Variants in FSD2 observed in about 807,000 individuals in gnomAD.
FSD2 encodes the protein fibronectin type III and SPRY domain containing 2.
Under a neutral mutation model 80.4 loss-of-function variants are expected in FSD2, and 71 were observed. The ratio of observed to expected loss-of-function variants is 0.88; its 90% CI spans 0.73 to 1.08. FSD2 has a LOEUF of 1.08. Ranked by LOEUF, FSD2 falls within the 50% of genes least tolerant of loss-of-function variation. The probability of loss-of-function intolerance (pLI) is 0.00; values close to 1 mark genes in which losing one functional copy is unlikely to be tolerated. For missense variants in FSD2, 923 were observed against 913.8 expected, an observed-to-expected ratio of 1.01 and a Z score of -0.13; for synonymous variants, 361 against 329.5, an observed-to-expected ratio of 1.10 and a Z score of -1.03.
intron 6 of FSD2, among the ~76,000 whole-genome samples, chr15:82,778,125 ACCAT>A (rs1317153441): frequency 1.6e-3 from 68 of 41,426 alleles, no homozygotes; most frequent in African/African-American, 9.2e-3. Flanking sequence ...ACACAAAAAA[ACCAT>A]ATATATATAT....
At chr15:82,799,726 C>T (rs887445625) in intron 1 of FSD2, among the ~76,000 whole-genome samples, 1 of 152,322 alleles carries the variant, frequency 6.6e-6, no homozygotes, top group East Asian at 1.9e-4. Context: ...CAGAACTCCT[C>T]CTCTCAATAA....
chr15:82,805,089 G>A (rs2050497360), intron 1 of FSD2, among the ~76,000 whole-genome samples: 1 of 151,350 alleles, frequency 6.6e-6, no homozygotes, highest in South Asian at 2.1e-4. Flanking sequence ...TTTGTCTAAG[G>A]CTTATATGGG....
chr15:82,786,270 G>A (rs1182417885), intron 3 of FSD2, among the ~76,000 whole-genome samples: 4 of 152,148 alleles, frequency 2.6e-5, no homozygotes, highest in African/African-American at 4.8e-5. Context: ...TGAGACAGAC[G>A]ACCCAGCTTT....
intron 9 of FSD2, among the ~76,000 whole-genome samples, chr15:82,767,609 G>GT (rs1255241352): frequency 6.6e-6 from 1 of 152,204 alleles, no homozygotes; most frequent in Non-Finnish European, 1.5e-5. Flanking sequence ...CCTCATCATT[G>GT]TGAGTTGGTC....
rs190426784 is a variant in FSD2, at chr15:82,768,865, G to A, written c.1553+15C>T. The A allele has an allele frequency of 2.9e-5, 43 of 1,481,668 alleles. No individual in the cohort carries two copies. In the East Asian group the frequency reaches 6.6e-4, roughly 23 times the overall value. 91.8% of individuals were successfully genotyped at this position (1,481,668 alleles called of 1,614,324 possible). A position where few individuals can be genotyped will look rare whatever the true frequency, so the allele number is the denominator to read the frequency against. ...GTCAGGGCTCTCGTGCCCAGCAAAT[G>A]CCCTCATGACTCACTCAGTTACACC... On this transcript the variant is annotated intron_variant, in intron 9 of 12. Transcript: ENST00000334574.
At chr15:82,766,515 G>A (rs952681516) in intron 9 of FSD2, among the ~76,000 whole-genome samples, 1 of 152,178 alleles carries the variant, frequency 6.6e-6, no homozygotes, top group South Asian at 2.1e-4. Flanking sequence ...GCTGAGGCGG[G>A]TGGGTCACTT....
chr15:82,797,577 G>A (rs1034083402), intron 1 of FSD2, among the ~76,000 whole-genome samples: 2 of 152,142 alleles, frequency 1.3e-5, no homozygotes, highest in African/African-American at 2.4e-5. Context: ...TTGGGAGGCC[G>A]AGGCGGGCAG....
At chr15:82,793,908 A>G (rs938671935) in intron 1 of FSD2, among the ~76,000 whole-genome samples, 56 of 151,996 alleles carry the variant, frequency 3.7e-4, no homozygotes, top group Non-Finnish European at 2.9e-4. Flanking sequence ...ACCTCTGACT[A>G]GAGGTTTGTC....
chr15:82,778,887 T>C lies in FSD2; in HGVS notation c.990A>G (p.Arg330=), dbSNP rs1488604768. 1 of 1,613,736 alleles carries C rather than the reference T, an allele frequency of 6.2e-7. No homozygotes were observed. The highest frequency in any genetic ancestry group is 1.7e-5 in the Admixed American group (1 of 59,996). The change falls in exon 6 of 13, where the codon AGA becomes AGG. Residue 330 remains arginine (R), a splice_region_variant and synonymous_variant. Transcript: ENST00000334574. ...FIKDAVAMAD[R]LGKFLKTKTD... ...TTTTTGTTTTCAGGAATTTCCCGAG[T>C]CTGTTGGTATAAAAAGACATGCTGA...
chr15:82,805,120 C>T (rs997052067), intron 1 of FSD2, among the ~76,000 whole-genome samples: 2 of 148,172 alleles, frequency 1.3e-5, no homozygotes, highest in Non-Finnish European at 3.0e-5. Flanking sequence ...CTGTGCATTA[C>T]TTAGAAAAGT....
rs749081688 is a variant in FSD2, at chr15:82,786,507, T to G, written c.735+4A>C. ...TCTGATGAGGTCTTCAAGTGTGCTCTTACCTCCACAGTGATGAAAACCTCC... is the reference window on the plus strand; with the variant it reads ...TCTGATGAGGTCTTCAAGTGTGCTCGTACCTCCACAGTGATGAAAACCTCC... On this transcript the variant is annotated splice_donor_region_variant and intron_variant, in intron 3 of 12. Coordinates refer to ENST00000334574, the MANE Select transcript of FSD2 (RefSeq NM_001007122.4). The G allele has an allele frequency of 6.2e-7, 1 of 1,608,688 alleles. No homozygotes were observed. Among genetic ancestry groups the G allele is most frequent in the Non-Finnish European group, 8.5e-7 (1 of 1,175,604 alleles).
At position 82,778,127 on chromosome 15, in the gene FSD2, C is replaced by CATATATATATATATATAT. The variant is rs34527251; in HGVS notation, c.1111+621_1111+638dup. 6.8e-3 allele frequency among the ~76,000 whole-genome samples: 570 copies of CATATATATATATATATAT among 83,836 alleles called. 9 individuals carry two copies. The highest frequency in any genetic ancestry group is 0.011 in the African/African-American group (183 of 17,024). The allele number at this position is 83,836 out of a possible 152,430, so 55.0% of individuals were successfully genotyped here. A position where few individuals can be genotyped will look rare whatever the true frequency, so the allele number is the denominator to read the frequency against. On this transcript the variant is annotated intron_variant, in intron 6 of 12. Transcript: ENST00000334574. ...CTCTGAAAAAAAAACACAAAAAAACCATATATATATATATATATATATATA... is the reference window on the plus strand; with the variant it reads ...CTCTGAAAAAAAAACACAAAAAAACCATATATATATATATATATATATATATATATATATATATATATA...
At chr15:82,797,924 T>A (rs899115725) in intron 1 of FSD2, among the ~76,000 whole-genome samples, 1 of 151,986 alleles carries the variant, frequency 6.6e-6, no homozygotes, top group Non-Finnish European at 1.5e-5. Flanking sequence ...AAAAAAAGAG[T>A]TTAATATTCA....
chr15:82,792,523 G>C (rs1487242496), intron 1 of FSD2, among the ~76,000 whole-genome samples: 1 of 152,190 alleles, frequency 6.6e-6, no homozygotes, highest in Non-Finnish European at 1.5e-5. Context: ...CTAGTCCACT[G>C]TCAGGTATGT....
At chr15:82,790,206 C>T (rs1050913805) in intron 1 of FSD2, among the ~76,000 whole-genome samples, 20 of 134,342 alleles carry the variant, frequency 1.5e-4, no homozygotes, top group Middle Eastern at 3.4e-3. Context: ...ACAACAACAA[C>T]AACAAACAAA....
Position 82,786,801 on chromosome 15 carries a change from T to G in FSD2, c.590A>C (p.His197Pro), listed in dbSNP as rs756363108. ...IRAFQKVFDE[H>P]KEHEVIPLNE... The stretch of plus-strand genomic sequence containing the variant: ...GAGTGGGATCACTTCATGCTCCTTA[T>G]GTTCATCAAAAACCTTCTGAAAAGC... Residue 197 changes from histidine to proline, a missense_variant, in exon 2 of 13, where the codon CAT (histidine) becomes CCT (proline). Transcript: ENST00000334574. 1 of 1,614,062 alleles carries G rather than the reference T, an allele frequency of 6.2e-7. No individual in the cohort carries two copies. The highest frequency in any genetic ancestry group is 8.5e-7 in the Non-Finnish European group (1 of 1,179,904).
Position 82,798,873 on chromosome 15 carries a change from G to GTTTTTTTTTTTTTTTTTTTTTTTTTTTT in FSD2, c.-79+7092_-79+7093insAAAAAAAAAAAAAAAAAAAAAAAAAAAA, listed in dbSNP as rs149986626. 5.4e-5 allele frequency among the ~76,000 whole-genome samples: 6 copies of GTTTTTTTTTTTTTTTTTTTTTTTTTTTT among 111,474 alleles called. 2 individuals carry two copies. The highest frequency in any genetic ancestry group is 8.7e-5 in the Non-Finnish European group (5 of 57,496). The allele number at this position is 111,474 out of a possible 152,430, so 73.1% of individuals were successfully genotyped here. A position where few individuals can be genotyped will look rare whatever the true frequency, so the allele number is the denominator to read the frequency against. On this transcript the variant is annotated intron_variant, in intron 1 of 12. Transcript: ENST00000334574. ...AAGTTTTCTTTCCACTATCTCCACT[G>GTTTTTTTTTTTTTTTTTTTTTTTTTTTT]TTTTGTTTTTTTTTTTTTTTTTGAG...
At chr15:82,797,033 A>C (rs201647010) in intron 1 of FSD2, among the ~76,000 whole-genome samples, 71 of 141,204 alleles carry the variant, frequency 5.0e-4, no homozygotes, top group African/African-American at 1.2e-3. Flanking sequence ...AAAAAAAAAA[A>C]AAAAAAAACA....
chr15:82,759,800 C>CT (rs372309637), intron 12 of FSD2, among the ~76,000 whole-genome samples, 200 bp from the exon 13 acceptor site: 26,114 of 146,708 alleles, frequency 0.18, 2,422 homozygotes, highest in African/African-American at 0.22. Context: ...GAAACATTTT[C>CT]TTTTTTTTTT....
Sources: gnomAD v4.1 joint callset for allele counts (sites outside exome capture counted in the v4.1 genomes callset) on GRCh38, gnomAD v4.1.1 for gene constraint, MANE v1.5 for transcripts, NCBI Gene and HGNC (gene_info 2026-07-23, HGNC 2026-07-21) for gene names.